Variants in DNMT3A observed in about 807,000 individuals in gnomAD.
The protein encoded by DNMT3A is DNA methyltransferase 3 alpha, also known as DNA (cytosine-5)-methyltransferase 3A.
In DNMT3A, 267 loss-of-function variants were observed where a neutral mutation model predicts 117.6. The ratio of observed to expected loss-of-function variants is 2.27; its 90% CI spans 2.05 to 2.51. The LOEUF (loss-of-function observed/expected upper bound fraction) is 2.51. DNMT3A is among the 30% of genes most tolerant of loss of function. The pLI, the probability that DNMT3A is intolerant of heterozygous loss-of-function variation, is 0.00. For missense variants in DNMT3A, 1,029 were observed against 1,260.2 expected, an observed-to-expected ratio of 0.82 and a Z score of 2.78; for synonymous variants, 432 against 474.8, an observed-to-expected ratio of 0.91 and a Z score of 1.17.
intron 2 of DNMT3A, among the ~76,000 whole-genome samples, chr2:25,312,092 C>T (rs1002652413): frequency 2.6e-5 from 4 of 152,164 alleles, no homozygotes; most frequent in Non-Finnish European, 5.9e-5. Context: ...GGAGCTGCGT[C>T]AGCAACTGTC....
In DNMT3A at chr2:25,304,637, G is replaced by T. The variant is rs911130609; in HGVS notation, c.73-4394C>A. On this transcript the variant is annotated intron_variant, in intron 2 of 22. Coordinates refer to ENST00000321117, the MANE Select transcript of DNMT3A (RefSeq NM_022552.5). This position sits in a 1 kb window ranked among gnomAD's most constrained non-coding sequence, Gnocchi z 4.3. ...GCAGAGCTTAAACCTTTGCCACGGGGGTTCCCGGGGGCCAGGAGGATCCAG... is the reference window on the plus strand; with the variant it reads ...GCAGAGCTTAAACCTTTGCCACGGGTGTTCCCGGGGGCCAGGAGGATCCAG... 6.6e-6 allele frequency among the ~76,000 whole-genome samples: 1 copy of T among 152,230 alleles called. No homozygotes were observed. The highest frequency in any genetic ancestry group is 2.4e-5 in the African/African-American group (1 of 41,460).
In DNMT3A at chr2:25,252,190, C is replaced by A; in HGVS notation, c.640-3938G>T. 1 of 1,567,948 alleles carries A rather than the reference C, an allele frequency of 6.4e-7. No individual in the cohort carries two copies. Among genetic ancestry groups the A allele is most frequent in the Non-Finnish European group, 8.6e-7 (1 of 1,158,454 alleles). On this transcript the variant is annotated intron_variant, in intron 6 of 22. Coordinates refer to ENST00000321117, the MANE Select transcript of DNMT3A (RefSeq NM_022552.5). The surrounding 1 kb of genome is among the most constrained non-coding windows in gnomAD (Gnocchi z 5.5). Reference sequence around the variant, plus strand: ...TCTCCCCGGGGCTCCGTCCAGGAACCTACCCATAAGGCCAGGTGCAGCCCC... The same window carrying A: ...TCTCCCCGGGGCTCCGTCCAGGAACATACCCATAAGGCCAGGTGCAGCCCC...
chr2:25,291,912 G>T (rs2032790227), intron 3 of DNMT3A, among the ~76,000 whole-genome samples: 1 of 152,256 alleles, frequency 6.6e-6, no homozygotes, highest in African/African-American at 2.4e-5. Context: ...TGTGCTCTTT[G>T]AAGTCAACCT....
chr2:25,282,536 C>G lies in DNMT3A; in HGVS notation c.353G>C (p.Gly118Ala), dbSNP rs757173108. The G allele has an allele frequency of 8.1e-6, 13 of 1,613,444 alleles. No individual in the cohort carries two copies. The Admixed American group carries it at 2.2e-4, about 27-fold the overall frequency. ...GGQKGGAPAE[G>A]EGAAETLPEA... ...AGGCAGGGTCTCAGCTGCACCCTCT[C>G]CCTCTGCTGGGGCCCCGCCCTTCTG... is the stretch of plus-strand genomic sequence containing the variant. Residue 118 changes from glycine (G) to alanine (A), a missense_variant, in exon 4 of 23, where the codon GGA (glycine) becomes GCA (alanine). Coordinates refer to ENST00000321117, the MANE Select transcript of DNMT3A (RefSeq NM_022552.5). The surrounding 1 kb of genome is among the most constrained non-coding windows in gnomAD (Gnocchi z 5.2).
chr2:25,241,561 C>A lies in DNMT3A; in HGVS notation c.2082+1G>T. The A allele has an allele frequency of 1.2e-6, 2 of 1,612,798 alleles. No individual in the cohort carries two copies. The highest frequency in any genetic ancestry group is 1.7e-6 in the Non-Finnish European group (2 of 1,179,556). The stretch of plus-strand genomic sequence containing the variant: ...GGCTGCGCCCCACAGCATGGACATA[C>A]ATGCTTCTGTGTGACGCTGCGGACG... On this transcript the variant is annotated splice_donor_variant, in intron 17 of 22. Coordinates refer to ENST00000321117, the MANE Select transcript of DNMT3A (RefSeq NM_022552.5). LOFTEE classifies it high-confidence loss of function.
intron 1 of DNMT3A, chr2:25,314,725 C>G: frequency 3.0e-6 from 3 of 985,332 alleles, no homozygotes; most frequent in Non-Finnish European, 3.6e-6. Flanking sequence ...TTGGCTCTGG[C>G]CTAGGAGGGA....
intron 10 of DNMT3A, 34 bp downstream of exon 10, chr2:25,246,586 C>G (rs1412451368): frequency 1.9e-6 from 3 of 1,594,658 alleles, no homozygotes; most frequent in African/African-American, 1.3e-5. Context: ...GCCTGGCGGG[C>G]AGGGGTCCCA....
intron 6 of DNMT3A, among the ~76,000 whole-genome samples, chr2:25,269,538 TAG>T (rs1294024118): frequency 6.6e-6 from 1 of 152,126 alleles, no homozygotes; most frequent in Non-Finnish European, 1.5e-5. Context: ...ACCCTTCTAT[TAG>T]AGGACTGTAG....
At position 25,240,312 on chromosome 2, in the gene DNMT3A, C is replaced by T. The variant is rs757823678; in HGVS notation, c.2312G>A (p.Arg771Gln). The T allele has an allele frequency of 1.2e-5, 20 of 1,613,944 alleles. No homozygotes were observed. The highest frequency in any genetic ancestry group is 2.2e-5 in the East Asian group (1 of 44,898). The change falls in exon 19 of 23, where the codon CGA (arginine) becomes CAA (glutamine). Residue 771 changes from arginine to glutamine, a missense_variant. Arg to Gln is a conservative substitution (Grantham distance 43, BLOSUM62 1). Coordinates refer to ENST00000321117, the MANE Select transcript of DNMT3A (RefSeq NM_022552.5). ...GGTTGCTGGCTATACCTCGAGAAAT[C>T]GCGAGATGTCCCTCTTGTCACTAAC... The part of the protein sequence containing the change: ...MGVSDKRDIS[R>Q]FLESNPVMID...
chr2:25,314,438 C>T (rs573890690), intron 1 of DNMT3A: 2 of 985,408 alleles, frequency 2.0e-6, no homozygotes, highest in African/African-American at 3.5e-5. Flanking sequence ...CCTCCGCCTC[C>T]TCCCTTCTCT....
chr2:25,305,900 G>A lies in DNMT3A; in HGVS notation c.73-5657C>T, dbSNP rs1444663567. 1.3e-5 allele frequency among the ~76,000 whole-genome samples: 2 copies of A among 152,198 alleles called. No individual in the cohort carries two copies. The highest frequency in any genetic ancestry group is 1.5e-5 in the Non-Finnish European group (1 of 68,046). ...GTGTATTCCCTTCAGTACTTAAACC[G>A]GATGCTACTGACCCAGCATCGGTTG... On this transcript the variant is annotated intron_variant, in intron 2 of 22. Transcript: ENST00000321117. The surrounding 1 kb of genome is among the most constrained non-coding windows in gnomAD (Gnocchi z 4.1).
rs182544443 is a variant in DNMT3A, at chr2:25,300,648, G to T, written c.73-405C>A. ...AGATATCTAAATAATATATTATTTA[G>T]ATATCTAAATAATATATTATTTAGA... On this transcript the variant is annotated intron_variant, in intron 2 of 22. Coordinates refer to ENST00000321117, the MANE Select transcript of DNMT3A (RefSeq NM_022552.5). 5.1e-4 allele frequency among the ~76,000 whole-genome samples: 31 copies of T among 61,234 alleles called. 1 individual carries two copies. The South Asian group carries it at 0.013, about 26-fold the overall frequency. The allele number at this position is 61,234 out of a possible 152,430, so 40.2% of individuals were successfully genotyped here.
rs1441909676 is a variant in DNMT3A at position 25,337,296 on chromosome 2, C to T, written c.-178+4530G>A. Among the ~76,000 whole-genome samples, 3 of 152,194 alleles carry T rather than the reference C, an allele frequency of 2.0e-5. No homozygotes were observed. The highest frequency in any genetic ancestry group is 4.4e-5 in the Non-Finnish European group (3 of 68,030). ...TCTGACCAAGATTCTGCAAAAGACA[C>T]AGGAAGGTGGACGAGGCTTCTTAGA... On this transcript the variant is annotated intron_variant, in intron 1 of 22. Transcript: ENST00000321117. The surrounding 1 kb of genome is among the most constrained non-coding windows in gnomAD (Gnocchi z 5.0).
chr2:25,244,078 C>T lies in DNMT3A; in HGVS notation c.1851+77G>A, dbSNP rs369958552. ...CCAGCCAGGCTCCTAGACCCACACA[C>T]CCTGCGCACAGCTCAGGCCCCACAA... On this transcript the variant is annotated intron_variant, in intron 15 of 22. Coordinates refer to ENST00000321117, the MANE Select transcript of DNMT3A (RefSeq NM_022552.5). 3.1e-6 allele frequency: 5 copies of T among 1,600,582 alleles called. No individual in the cohort carries two copies. The African/African-American group carries it at 5.3e-5, about 17-fold the overall frequency.
At chr2:25,319,137 C>T (rs1414639120) in intron 1 of DNMT3A, among the ~76,000 whole-genome samples, 2 of 151,372 alleles carry the variant, frequency 1.3e-5, no homozygotes, top group Admixed American at 1.3e-4. Context: ...GCCTCAGCCT[C>T]CCAAGTAGCT....
chr2:25,320,307 C>T (rs977222573), intron 1 of DNMT3A, among the ~76,000 whole-genome samples: 2 of 152,152 alleles, frequency 1.3e-5, no homozygotes, highest in African/African-American at 4.8e-5. Flanking sequence ...ACTGAAACAT[C>T]TTTTACCTGC....
At chr2:25,301,009 G>A (rs2033482050) in intron 2 of DNMT3A, among the ~76,000 whole-genome samples, 2 of 151,596 alleles carry the variant, frequency 1.3e-5, no homozygotes, top group South Asian at 2.1e-4. Context: ...GGTGGCTCAC[G>A]CCTATGATCC....
At chr2:25,326,901 G>A (rs1054258672) in intron 1 of DNMT3A, among the ~76,000 whole-genome samples, 4 of 152,244 alleles carry the variant, frequency 2.6e-5, no homozygotes, top group East Asian at 1.9e-4. Flanking sequence ...CTGGGAAAAC[G>A]TAGCAGCGGT....
chr2:25,326,954 A>G (rs2034811444), intron 1 of DNMT3A, among the ~76,000 whole-genome samples: 1 of 152,180 alleles, frequency 6.6e-6, no homozygotes, highest in African/African-American at 2.4e-5. Flanking sequence ...TTTCCTTGGG[A>G]CCCAAAAAGA....
Sources: gnomAD v4.1 joint callset for allele counts (sites outside exome capture counted in the v4.1 genomes callset) on GRCh38, gnomAD v4.1.1 for gene constraint, Gnocchi (gnomAD v3.1) non-coding constraint, MANE v1.5 for transcripts, NCBI Gene and HGNC (gene_info 2026-07-23, HGNC 2026-07-21) for gene names.